The following GPC5 variants were observed in gnomAD, a reference collection of about 807,000 sequenced individuals.
GPC5 encodes the protein glypican 5.
GPC5 carries 47 observed loss-of-function variants against 53.9 expected under a neutral mutation model. That is an observed-to-expected ratio of 0.87 (90% CI 0.69 to 1.11). GPC5 has a LOEUF of 1.11. Ranked by LOEUF, GPC5 falls within the 50% of genes most tolerant of loss-of-function variation. GPC5 has a pLI of 0.00. For missense variants in GPC5, 748 were observed against 713.1 expected (o/e 1.05, Z -0.56); for synonymous variants, 286 against 263.3 (o/e 1.09, Z -0.84).
At chr13:92,616,960 T>G (rs987337442) in intron 7 of GPC5, among the ~76,000 whole-genome samples, 2 of 152,120 alleles carry the variant, frequency 1.3e-5, no homozygotes, top group African/African-American at 2.4e-5. Context: ...TTGAATATAA[T>G]ACATACATAT....
At chr13:91,646,487 A>T (rs1002180050) in intron 2 of GPC5, among the ~76,000 whole-genome samples, 2 of 151,968 alleles carry the variant, frequency 1.3e-5, no homozygotes, top group African/African-American at 4.8e-5. Context: ...ATACCTATCC[A>T]AAATTGTTAT....
chr13:92,197,504 T>C (rs976679160), intron 7 of GPC5, among the ~76,000 whole-genome samples: 2 of 152,104 alleles, frequency 1.3e-5, no homozygotes, highest in Non-Finnish European at 2.9e-5. Context: ...TTTTTCCTAT[T>C]GGGGTTTGTT....
chr13:91,578,105 G>T (rs2032206361), intron 2 of GPC5, among the ~76,000 whole-genome samples: 1 of 152,206 alleles, frequency 6.6e-6, no homozygotes, highest in African/African-American at 2.4e-5. Flanking sequence ...AAGGGTTCAT[G>T]TATCCAGGGA....
At chr13:91,598,525 T>C (rs2033073449) in intron 2 of GPC5, among the ~76,000 whole-genome samples, 2 of 152,104 alleles carry the variant, frequency 1.3e-5, no homozygotes, top group Non-Finnish European at 2.9e-5. Flanking sequence ...ATTCTTTCTT[T>C]GCCAATCACT....
At chr13:91,874,565 T>A (rs1254218441) in intron 5 of GPC5, among the ~76,000 whole-genome samples, 2 of 152,162 alleles carry the variant, frequency 1.3e-5, no homozygotes, top group Admixed American at 6.5e-5. Flanking sequence ...TCTGTTGAAT[T>A]TCTTACGATG....
At chr13:91,758,181 C>G (rs972598215) in intron 5 of GPC5, among the ~76,000 whole-genome samples, 1 of 151,996 alleles carries the variant, frequency 6.6e-6, no homozygotes, top group African/African-American at 2.4e-5. Context: ...TTCTTTATTG[C>G]TTTTACTGAG....
At chr13:92,506,269 C>G (rs1390847689) in intron 7 of GPC5, among the ~76,000 whole-genome samples, 1 of 152,072 alleles carries the variant, frequency 6.6e-6, no homozygotes, top group Admixed American at 6.6e-5. Context: ...TAGGAACACA[C>G]ACTTTTTCAA....
At chr13:92,189,196 A>G (rs1418473308) in intron 7 of GPC5, among the ~76,000 whole-genome samples, 1 of 152,138 alleles carries the variant, frequency 6.6e-6, no homozygotes, top group East Asian at 1.9e-4. Context: ...GAGAAAAGGA[A>G]CCATTTAAAA....
chr13:91,965,273 C>T (rs2040170409), intron 6 of GPC5, among the ~76,000 whole-genome samples: 1 of 152,046 alleles, frequency 6.6e-6, no homozygotes, highest in African/African-American at 2.4e-5. Flanking sequence ...CTCATAAGTA[C>T]TCAATAATTG....
At chr13:92,859,254 A>G (rs1373691452) in intron 7 of GPC5, among the ~76,000 whole-genome samples, 1 of 152,174 alleles carries the variant, frequency 6.6e-6, no homozygotes. Context: ...ATCTCTAAAA[A>G]TAATAACAAA....
chr13:92,552,202 A>G (rs968105572), intron 7 of GPC5, among the ~76,000 whole-genome samples: 1 of 151,898 alleles, frequency 6.6e-6, no homozygotes, highest in Non-Finnish European at 1.5e-5. Flanking sequence ...AAAAATTTCC[A>G]TTTCAACAAA....
chr13:92,066,464 A>G (rs1181004383), intron 6 of GPC5, among the ~76,000 whole-genome samples: 2 of 151,776 alleles, frequency 1.3e-5, no homozygotes, highest in Non-Finnish European at 1.5e-5. Context: ...AACAGCCTGC[A>G]TGACTTCTTA....
At chr13:92,452,863 C>A (rs1878120402) in intron 7 of GPC5, among the ~76,000 whole-genome samples, 1 of 152,186 alleles carries the variant, frequency 6.6e-6, no homozygotes, top group South Asian at 2.1e-4. Flanking sequence ...GCCACCACGC[C>A]CGTCAGATTA....
chr13:92,291,267 C>T (rs756603508), intron 7 of GPC5, among the ~76,000 whole-genome samples: 3 of 152,152 alleles, frequency 2.0e-5, no homozygotes, highest in Non-Finnish European at 4.4e-5. Flanking sequence ...CTCCACCTGC[C>T]GCCCTGTGCA....
intron 2 of GPC5, among the ~76,000 whole-genome samples, chr13:91,644,327 G>A (rs559030786): frequency 1.3e-5 from 2 of 152,280 alleles, no homozygotes; most frequent in East Asian, 3.9e-4. Flanking sequence ...ACAGTAAGTA[G>A]CAGAGTTAGG....
At chr13:92,569,250 G>A (rs1470741592) in intron 7 of GPC5, among the ~76,000 whole-genome samples, 1 of 151,642 alleles carries the variant, frequency 6.6e-6, no homozygotes, top group African/African-American at 2.4e-5. Flanking sequence ...CTACAAAGCA[G>A]TTCATATGCA....
chr13:92,745,808 T>C (rs1316929595), intron 7 of GPC5, among the ~76,000 whole-genome samples: 2 of 152,164 alleles, frequency 1.3e-5, no homozygotes, highest in Non-Finnish European at 1.5e-5. Flanking sequence ...CACATTAGTT[T>C]CATCTCTACA....
chr13:92,123,270 G>T (rs1235750647), intron 6 of GPC5, among the ~76,000 whole-genome samples: 3 of 152,020 alleles, frequency 2.0e-5, no homozygotes, highest in Non-Finnish European at 4.4e-5. Flanking sequence ...TTTGGTTTTG[G>T]TGGCGGGCAC....
intron 6 of GPC5, among the ~76,000 whole-genome samples, chr13:92,004,396 G>GA (rs2040584427): frequency 7.0e-6 from 1 of 143,080 alleles, no homozygotes; most frequent in African/African-American, 2.6e-5. Context: ...AATGAGCTGA[G>GA]ATTGCACCAC....
Sources: allele counts gnomAD v4.1 joint callset (sites outside exome capture counted in the v4.1 genomes callset), GRCh38; gene constraint gnomAD v4.1.1; transcripts MANE v1.5; gene names NCBI Gene and HGNC (gene_info 2026-07-23, HGNC 2026-07-21).